Variants in KCNC2 observed in about 807,000 individuals in gnomAD.
KCNC2 encodes voltage-gated potassium channel KCNC2.
In KCNC2, 21 loss-of-function variants were observed where a neutral mutation model predicts 44.5. The ratio of observed to expected loss-of-function variants is 0.47; its 90% CI spans 0.33 to 0.68. The LOEUF (loss-of-function observed/expected upper bound fraction) is 0.68, where lower values mean the gene tolerates loss of function less well. Ranked by LOEUF, KCNC2 falls within the 30% of genes least tolerant of loss-of-function variation. The probability of loss-of-function intolerance (pLI) is 0.01; values close to 1 mark genes in which losing one functional copy is unlikely to be tolerated. For missense variants in KCNC2, 589 were observed against 826.2 expected (o/e 0.71, Z 3.52); for synonymous variants, 391 against 339.1 (o/e 1.15, Z -1.68).
chr12:75,166,195 G>T lies in KCNC2; in HGVS notation c.687+41102C>A, dbSNP rs1474530088. 4.0e-5 allele frequency among the ~76,000 whole-genome samples: 6 copies of T among 150,888 alleles called. No homozygotes were observed. The South Asian group carries it at 1.0e-3, about 26-fold the overall frequency. On this transcript the variant is annotated intron_variant, in intron 2 of 4. Coordinates refer to ENST00000549446, the MANE Select transcript of KCNC2 (RefSeq NM_139137.4). ...ATTTTATAACTGTATCAAATAAAAT[G>T]ATTTATAAATTTATATAATTTTATA...
intron 2 of KCNC2, among the ~76,000 whole-genome samples, chr12:75,121,734 A>G (rs1888058782): frequency 6.6e-6 from 1 of 152,198 alleles, no homozygotes; most frequent in African/African-American, 2.4e-5. Context: ...TCCCATGGGC[A>G]TATTGGATAG....
chr12:75,041,059 A>T lies in KCNC2; in HGVS notation c.*2046T>A, dbSNP rs1361961157. Reference sequence around the variant, plus strand: ...TTTTATAAGCTTTAAGTGCCTCATGAAGACGCGAGGATCTCTTCCAAGTGC... The same window carrying T: ...TTTTATAAGCTTTAAGTGCCTCATGTAGACGCGAGGATCTCTTCCAAGTGC... On this transcript the variant is annotated 3_prime_UTR_variant, in exon 5 of 5. Coordinates refer to ENST00000549446, the MANE Select transcript of KCNC2 (RefSeq NM_139137.4). 3.3e-6 allele frequency: 5 copies of T among 1,513,096 alleles called. No individual in the cohort carries two copies. The African/African-American group carries it at 6.8e-5, about 21-fold the overall frequency. The allele number at this position is 1,513,096 out of a possible 1,614,324, so 93.7% of individuals were successfully genotyped here.
intron 2 of KCNC2, among the ~76,000 whole-genome samples, chr12:75,180,762 A>C (rs575269367): frequency 1.3e-5 from 2 of 152,072 alleles, no homozygotes; most frequent in East Asian, 3.9e-4. Context: ...TTTTAGAAAG[A>C]ATCTTTTCCT....
At chr12:75,201,437 T>C (rs1369641423) in intron 2 of KCNC2, among the ~76,000 whole-genome samples, 1 of 151,760 alleles carries the variant, frequency 6.6e-6, no homozygotes, top group African/African-American at 2.4e-5. Flanking sequence ...AGAGCTGAAG[T>C]TTAGATACTA....
intron 2 of KCNC2, among the ~76,000 whole-genome samples, chr12:75,135,731 T>C (rs534876064): frequency 2.6e-4 from 40 of 152,074 alleles, no homozygotes; most frequent in Non-Finnish European, 4.1e-4. Flanking sequence ...ACTATTACAA[T>C]AGATTTGATC....
intron 2 of KCNC2, among the ~76,000 whole-genome samples, chr12:75,085,482 A>G (rs1191113236): frequency 1.3e-5 from 2 of 152,008 alleles, no homozygotes; most frequent in African/African-American, 4.8e-5. Context: ...TAATGTTTAC[A>G]AAACTATGTT....
chr12:75,104,245 C>T (rs1886600911), intron 2 of KCNC2, among the ~76,000 whole-genome samples: 1 of 152,058 alleles, frequency 6.6e-6, no homozygotes, highest in Non-Finnish European at 1.5e-5. Flanking sequence ...TGATCAAAAG[C>T]ACGGGTGGCA....
chr12:75,144,811 G>A (rs971547994), intron 2 of KCNC2, among the ~76,000 whole-genome samples: 3 of 151,894 alleles, frequency 2.0e-5, no homozygotes, highest in African/African-American at 7.3e-5. Context: ...AATTGTCTAC[G>A]GTGAATGGTT....
At chr12:75,140,878 GA>G (rs200495854) in intron 2 of KCNC2, among the ~76,000 whole-genome samples, 57 of 130,268 alleles carry the variant, frequency 4.4e-4, no homozygotes, top group African/African-American at 1.2e-3. Context: ...ATCATGCCAA[GA>G]AAAAAAAAAC....
At chr12:75,128,446 G>A (rs1888592417) in intron 2 of KCNC2, among the ~76,000 whole-genome samples, 1 of 152,072 alleles carries the variant, frequency 6.6e-6, no homozygotes, top group Non-Finnish European at 1.5e-5. Context: ...GAGAATTAAA[G>A]TCATAGTTTT....
At chr12:75,097,988 C>T (rs931877610) in intron 2 of KCNC2, among the ~76,000 whole-genome samples, 1 of 152,042 alleles carries the variant, frequency 6.6e-6, no homozygotes, top group African/African-American at 2.4e-5. Context: ...ACTCCCTTCT[C>T]TCTATGAGAA....
rs143010634 is a variant in KCNC2 at position 75,147,768 on chromosome 12, G to A, written c.687+59529C>T. Among the ~76,000 whole-genome samples, 1,295 of 152,188 alleles carry A rather than the reference G, an allele frequency of 8.5e-3. 16 individuals carry two copies. The highest frequency in any genetic ancestry group is 0.029 in the African/African-American group (1,224 of 41,536). On this transcript the variant is annotated intron_variant, in intron 2 of 4. Coordinates refer to ENST00000549446, the MANE Select transcript of KCNC2 (RefSeq NM_139137.4). ...AGGGCTTCTTTCACCACACTCAGAC[G>A]TTACAGTTTCCAAGCTCTAGCCATG...
chr12:75,170,423 A>G lies in KCNC2; in HGVS notation c.687+36874T>C, dbSNP rs1891736157. On this transcript the variant is annotated intron_variant, in intron 2 of 4. Coordinates refer to ENST00000549446, the MANE Select transcript of KCNC2 (RefSeq NM_139137.4). ...ACTTTGGGATTCAGGACTCCTCTGA[A>G]TCAAAAATCATGGAATTCTAGATAC... 2.0e-5 allele frequency among the ~76,000 whole-genome samples: 3 copies of G among 151,742 alleles called. No individual in the cohort carries two copies. The South Asian group carries it at 6.2e-4, about 31-fold the overall frequency.
At chr12:75,154,787 C>G (rs779221818) in intron 2 of KCNC2, among the ~76,000 whole-genome samples, 4 of 151,940 alleles carry the variant, frequency 2.6e-5, no homozygotes, top group Non-Finnish European at 5.9e-5. Context: ...TCATATGGTA[C>G]TGGTGCTATA....
At chr12:75,172,062 C>T (rs1357582887) in intron 2 of KCNC2, among the ~76,000 whole-genome samples, 1 of 151,672 alleles carries the variant, frequency 6.6e-6, no homozygotes, top group East Asian at 1.9e-4. Flanking sequence ...ACCCTCACCC[C>T]CCAAAGAAAG....
At chr12:75,080,617 C>A (rs1196484028) in intron 2 of KCNC2, among the ~76,000 whole-genome samples, 1 of 152,050 alleles carries the variant, frequency 6.6e-6, no homozygotes, top group African/African-American at 2.4e-5. Context: ...TGACAAGTAG[C>A]AGACCTATTT....
chr12:75,103,314 G>T (rs1251594668), intron 2 of KCNC2, among the ~76,000 whole-genome samples: 5 of 152,164 alleles, frequency 3.3e-5, no homozygotes, highest in African/African-American at 1.2e-4. Context: ...AAGTAGAATT[G>T]TTAAGGAGAA....
chr12:75,057,161 TTTA>T (rs1174805588), intron 2 of KCNC2, among the ~76,000 whole-genome samples: 6 of 152,040 alleles, frequency 3.9e-5, no homozygotes, highest in African/African-American at 7.2e-5. Context: ...TTAAGTTGAT[TTTA>T]TTAACCCATA....
intron 2 of KCNC2, among the ~76,000 whole-genome samples, chr12:75,186,231 A>C (rs2137677782): frequency 6.6e-6 from 1 of 152,190 alleles, no homozygotes; most frequent in East Asian, 1.9e-4. Context: ...AGTTCTTGAA[A>C]CATCTGGTGC....
Sources: allele counts gnomAD v4.1 joint callset (sites outside exome capture counted in the v4.1 genomes callset), GRCh38; gene constraint gnomAD v4.1.1; transcripts MANE v1.5; gene names NCBI Gene and HGNC (gene_info 2026-07-23, HGNC 2026-07-21).